The following SDK2 variants were observed in gnomAD, a reference collection of about 807,000 sequenced individuals.
The protein encoded by SDK2 is sidekick cell adhesion molecule 2, also known as protein sidekick-2.
In SDK2, 105 loss-of-function variants were observed where a neutral mutation model predicts 253.9. The observed-to-expected ratio is 0.41, with a 90% confidence interval of 0.35 to 0.49. The LOEUF is 0.49. SDK2 is among the 20% of genes least tolerant of loss of function. SDK2 has a pLI of 0.06. For synonymous variants in SDK2, 1,249 were observed against 1,234.9 expected (o/e 1.01, Z -0.24); for missense variants, 2,608 against 3,003.0 (o/e 0.87, Z 3.07).
intron 2 of SDK2, among the ~76,000 whole-genome samples, chr17:73,485,482 C>T (rs1035730532): frequency 6.6e-6 from 1 of 152,100 alleles, no homozygotes; most frequent in African/African-American, 2.4e-5. Context: ...CCCCACCAGG[C>T]CTTATGGGCT....
chr17:73,418,025 T>TG (rs904650474), intron 16 of SDK2, among the ~76,000 whole-genome samples: 14 of 148,730 alleles, frequency 9.4e-5, no homozygotes, highest in African/African-American at 3.1e-4. Context: ...TTTTTTTTTT[T>TG]TTTGTTTTTA....
intron 12 of SDK2, among the ~76,000 whole-genome samples, chr17:73,424,315 C>T (rs759623458): frequency 2.6e-5 from 4 of 152,044 alleles, no homozygotes; most frequent in Non-Finnish European, 5.9e-5. Context: ...AGTGGGAGAG[C>T]GAACGCATTC....
At chr17:73,373,830 T>A (rs1480749838) in intron 36 of SDK2, among the ~76,000 whole-genome samples, 1 of 151,694 alleles carries the variant, frequency 6.6e-6, no homozygotes, top group Admixed American at 6.6e-5. Flanking sequence ...AGAGACGGGG[T>A]TTCACCATGT....
In SDK2 at chr17:73,467,577, C is replaced by T. The variant is rs1175182248; in HGVS notation, c.331+4535G>A. On this transcript the variant is annotated intron_variant, in intron 3 of 44. Coordinates refer to ENST00000392650, the MANE Select transcript of SDK2 (RefSeq NM_001144952.2). This position sits in a 1 kb window ranked among gnomAD's most constrained non-coding sequence, Gnocchi z 4.1. ...GGGGCTGGGACAGAGGATTCTTCAG[C>T]TTCTACAGCTAGAGAGGGAGGCCCC... Among the ~76,000 whole-genome samples, 1 of 152,270 alleles carries T rather than the reference C, an allele frequency of 6.6e-6. No individual in the cohort carries two copies. Among genetic ancestry groups the T allele is most frequent in the African/African-American group, 2.4e-5 (1 of 41,564 alleles).
chr17:73,643,366 G>A lies in SDK2; in HGVS notation c.64+659C>T, dbSNP rs562605287. ...TGGGTGTGGGTGGATGGGTAGGAGG[G>A]GAGGCCTCAGACCCTCCCTGTGCAC... On this transcript the variant is annotated intron_variant, in intron 1 of 44. Transcript: ENST00000392650. The surrounding 1 kb of genome is among the most constrained non-coding windows in gnomAD (Gnocchi z 6.9). Among the ~76,000 whole-genome samples the A allele has an allele frequency of 3.6e-4, 55 of 152,272 alleles. No individual in the cohort carries two copies. The highest frequency in any genetic ancestry group is 1.3e-3 in the African/African-American group (55 of 41,570).
intron 44 of SDK2, among the ~76,000 whole-genome samples, chr17:73,347,010 C>T (rs529269144): frequency 4.6e-5 from 7 of 152,280 alleles, no homozygotes; most frequent in South Asian, 2.1e-4. Context: ...GATTGGTAGC[C>T]GAGCTGCTTC....
intron 2 of SDK2, among the ~76,000 whole-genome samples, chr17:73,500,658 A>C (rs1297705871): frequency 1.7e-3 from 94 of 55,842 alleles, no homozygotes; most frequent in Middle Eastern, 0.02. Context: ...ATCCCTCCTC[A>C]CTCCATCTCC....
intron 2 of SDK2, among the ~76,000 whole-genome samples, chr17:73,486,560 T>C (rs962279096): frequency 3.4e-5 from 5 of 145,836 alleles, no homozygotes; most frequent in African/African-American, 1.3e-4. Flanking sequence ...CAGTAAGCTA[T>C]GATTGCACCA....
In SDK2 at chr17:73,610,141, G is replaced by A. The variant is rs374775860; in HGVS notation, c.64+33884C>T. ...GACACTAAAAGCCTAGGATGCTTTG[G>A]ACTCATTGTTCTCCAGGGATCCCCA... is the stretch of plus-strand genomic sequence containing the variant. On this transcript the variant is annotated intron_variant, in intron 1 of 44. Transcript: ENST00000392650. Among the ~76,000 whole-genome samples the A allele has an allele frequency of 3.3e-5, 5 of 152,298 alleles. No individual in the cohort carries two copies. The East Asian group carries it at 7.7e-4, about 24-fold the overall frequency.
At chr17:73,451,794 GCTGTA>G (rs758633444) in intron 4 of SDK2, among the ~76,000 whole-genome samples, 2 of 152,154 alleles carry the variant, frequency 1.3e-5, no homozygotes, top group Non-Finnish European at 2.9e-5. Flanking sequence ...CTGGGATGAT[GCTGTA>G]CTGTACTGTA....
At chr17:73,392,509 TCTGC>T (rs2040289026) in intron 27 of SDK2, among the ~76,000 whole-genome samples, 1 of 152,120 alleles carries the variant, frequency 6.6e-6, no homozygotes, top group South Asian at 2.1e-4. Flanking sequence ...CCTCAAGTGG[TCTGC>T]CTGCCTTGGC....
chr17:73,497,357 A>T (rs1599621810), intron 2 of SDK2, among the ~76,000 whole-genome samples: 1 of 152,020 alleles, frequency 6.6e-6, no homozygotes, highest in East Asian at 1.9e-4. Flanking sequence ...CAACTCCCTT[A>T]TATATGGCCT....
chr17:73,559,450 TGCGG>T (rs1453684214), intron 1 of SDK2, among the ~76,000 whole-genome samples: 1 of 152,200 alleles, frequency 6.6e-6, no homozygotes, highest in Non-Finnish European at 1.5e-5. Flanking sequence ...TAATTCTTTT[TGCGG>T]GCTCTTGAGA....
intron 38 of SDK2, 108 bp downstream of exon 38, chr17:73,365,150 G>T (rs1211127486): frequency 3.9e-6 from 3 of 766,726 alleles, no homozygotes; most frequent in East Asian, 3.0e-5. Flanking sequence ...AAGATGGGGA[G>T]ACTCTCACCG....
chr17:73,492,314 G>T (rs1002996289), intron 2 of SDK2, among the ~76,000 whole-genome samples: 1 of 152,208 alleles, frequency 6.6e-6, no homozygotes, highest in East Asian at 1.9e-4. Flanking sequence ...TGGCCCGGCC[G>T]GCACGCTCCT....
chr17:73,502,698 A>G (rs1256751773), intron 2 of SDK2, among the ~76,000 whole-genome samples: 1 of 152,188 alleles, frequency 6.6e-6, no homozygotes, highest in South Asian at 2.1e-4. Context: ...ATACAAGAAA[A>G]TCTCCTTATC....
At chr17:73,393,342 G>A (rs1454885426) in intron 27 of SDK2, among the ~76,000 whole-genome samples, 3 of 151,738 alleles carry the variant, frequency 2.0e-5, no homozygotes, top group Non-Finnish European at 4.4e-5. Flanking sequence ...TGAATCAGAC[G>A]TCAAACTGCC....
chr17:73,463,653 T>G (rs186250515), intron 3 of SDK2, among the ~76,000 whole-genome samples: 29 of 152,348 alleles, frequency 1.9e-4, no homozygotes, highest in Admixed American at 1.1e-3. Context: ...TATTCTGTTT[T>G]TAAACATTTT....
chr17:73,510,175 C>T (rs1352588586), intron 1 of SDK2, among the ~76,000 whole-genome samples: 2 of 152,082 alleles, frequency 1.3e-5, no homozygotes, highest in Admixed American at 1.3e-4. Context: ...CAGGTTCAGC[C>T]CTTGTTTCCA....
Sources: gnomAD v4.1 joint callset for allele counts (sites outside exome capture counted in the v4.1 genomes callset) on GRCh38, gnomAD v4.1.1 for gene constraint, Gnocchi (gnomAD v3.1) non-coding constraint, MANE v1.5 for transcripts, NCBI Gene and HGNC (gene_info 2026-07-23, HGNC 2026-07-21) for gene names.